EFEMP1: variants seen among roughly 807,000 people sequenced by gnomAD.
EFEMP1 encodes EGF-like fibulin extracellular matrix protein 1.
EFEMP1 carries 18 observed loss-of-function variants against 65.7 expected under a neutral mutation model. The observed-to-expected ratio is 0.27, with a 90% CI of 0.19 to 0.41. The LOEUF (loss-of-function observed/expected upper bound fraction) is 0.41. Ranked by LOEUF, EFEMP1 falls within the 10% of genes least tolerant of loss-of-function variation. The pLI, the probability that EFEMP1 is intolerant of heterozygous loss-of-function variation, is 1.00. For synonymous variants in EFEMP1, 237 were observed against 219.7 expected, an observed-to-expected ratio of 1.08 and a Z score of -0.70; for missense variants, 469 against 624.8, an observed-to-expected ratio of 0.75 and a Z score of 2.66.
chr2:55,898,363 T>G (rs1175229868), intron 5 of EFEMP1, among the ~76,000 whole-genome samples: 1 of 152,250 alleles, frequency 6.6e-6, no homozygotes, highest in Admixed American at 6.5e-5. Flanking sequence ...GAAGCTGCTC[T>G]GTGGCAAAAT....
chr2:55,886,705 C>G lies in EFEMP1; in HGVS notation c.518-4971G>C, dbSNP rs1462339949. On this transcript the variant is annotated intron_variant, in intron 5 of 11. Transcript: ENST00000355426. The surrounding 1 kb of genome is among the most constrained non-coding windows in gnomAD (Gnocchi z 4.0). ...AGACAGGGTGATAAACTAGTTCCTA[C>G]CAAAGTACTCTTTTTACTTACTCTC... Among the ~76,000 whole-genome samples, 1 of 152,090 alleles carries G rather than the reference C, an allele frequency of 6.6e-6. No individual in the cohort carries two copies. The highest frequency in any genetic ancestry group is 1.5e-5 in the Non-Finnish European group (1 of 68,012).
At chr2:55,900,182 T>C (rs1669978883) in intron 5 of EFEMP1, among the ~76,000 whole-genome samples, 1 of 152,184 alleles carries the variant, frequency 6.6e-6, no homozygotes, top group Non-Finnish European at 1.5e-5. Flanking sequence ...AAGAGGAATT[T>C]AGTGGGGCTA....
intron 5 of EFEMP1, among the ~76,000 whole-genome samples, chr2:55,904,467 G>C (rs12613933): frequency 0.15 from 22,161 of 152,190 alleles, 1,715 homozygotes; most frequent in Middle Eastern, 0.24. Context: ...CTGTGATGGT[G>C]TTTCCAGAAT....
At chr2:55,880,054 A>T (rs939411566) in intron 6 of EFEMP1, among the ~76,000 whole-genome samples, 1 of 152,160 alleles carries the variant, frequency 6.6e-6, no homozygotes, top group Non-Finnish European at 1.5e-5. Context: ...AAGAGCTTGT[A>T]TAGAGGCACC....
chr2:55,901,049 C>T (rs945580725), intron 5 of EFEMP1, among the ~76,000 whole-genome samples: 1 of 152,024 alleles, frequency 6.6e-6, no homozygotes, highest in Non-Finnish European at 1.5e-5. Context: ...GCAAAAGAAA[C>T]GATGTAAACA....
At chr2:55,880,715 T>C (rs1669207309) in intron 6 of EFEMP1, among the ~76,000 whole-genome samples, 1 of 152,206 alleles carries the variant, frequency 6.6e-6, no homozygotes, top group South Asian at 2.1e-4. Flanking sequence ...GGTATGTAAA[T>C]AAATGGACAG....
At chr2:55,887,051 T>G (rs754060850) in intron 5 of EFEMP1, among the ~76,000 whole-genome samples, 47 of 152,136 alleles carry the variant, frequency 3.1e-4, no homozygotes, top group Non-Finnish European at 6.5e-4. Context: ...AAAAGATCTA[T>G]TATTTGATTG....
chr2:55,871,835 T>C lies in EFEMP1; in HGVS notation c.1001-712A>G, dbSNP rs907107593. ...TGAAACTATGAAGTGTTCCACCTCA[T>C]AGAGCATAGCAATTTTAGGACTGTA... On this transcript the variant is annotated intron_variant, in intron 9 of 11. Transcript: ENST00000355426. This position sits in a 1 kb window ranked among gnomAD's most constrained non-coding sequence, Gnocchi z 4.2. Among the ~76,000 whole-genome samples the C allele has an allele frequency of 1.2e-4, 19 of 152,122 alleles. No homozygotes were observed. The highest frequency in any genetic ancestry group is 1.1e-3 in the Admixed American group (17 of 15,248).
In EFEMP1 at chr2:55,885,060, C is replaced by T. The variant is rs1394824999; in HGVS notation, c.518-3326G>A. Among the ~76,000 whole-genome samples the T allele has an allele frequency of 6.6e-6, 1 of 152,144 alleles. No individual in the cohort carries two copies. Among genetic ancestry groups the T allele is most frequent in the African/African-American group, 2.4e-5 (1 of 41,418 alleles). On this transcript the variant is annotated intron_variant, in intron 5 of 11. Coordinates refer to ENST00000355426, the MANE Select transcript of EFEMP1 (RefSeq NM_001039348.3). This position sits in a 1 kb window ranked among gnomAD's most constrained non-coding sequence, Gnocchi z 4.3. ...AGAGTAACAAGGTATATCTGAGAAA[C>T]ACAGCAAAATCAGTAAGATGTTAGT...
At position 55,922,896 on chromosome 2, in the gene EFEMP1, C is replaced by T. The variant is rs1185073233; in HGVS notation, c.-8+3G>A. 1 of 1,115,116 alleles carries T rather than the reference C, an allele frequency of 9.0e-7. No individual in the cohort carries two copies. The highest frequency in any genetic ancestry group is 1.6e-5 in the African/African-American group (1 of 61,630). 69.1% of individuals were successfully genotyped at this position (1,115,116 alleles called of 1,614,324 possible). On this transcript the variant is annotated splice_donor_region_variant and intron_variant, in intron 2 of 11. Transcript: ENST00000355426. The surrounding 1 kb of genome is among the most constrained non-coding windows in gnomAD (Gnocchi z 5.5). The stretch of plus-strand genomic sequence containing the variant: ...AACGTTAAGGCTTTCCCAGTATACT[C>T]ACCTTGAGCTAGCAGAGTTCCTTGC...
intron 6 of EFEMP1, 100 bp downstream of exon 6, chr2:55,881,512 C>T: frequency 6.7e-7 from 1 of 1,489,718 alleles, no homozygotes. Context: ...TATTGGCTAC[C>T]ACTCTCCAAA....
At position 55,913,559 on chromosome 2, in the gene EFEMP1, A is replaced by G. The variant is rs546405858; in HGVS notation, c.517+4106T>C. On this transcript the variant is annotated intron_variant, in intron 5 of 11. Transcript: ENST00000355426. ...TCAATTAAACAAACAAGTTTCTTCA[A>G]TTAGGGCAATCAATGCTTTCTCTTT... Among the ~76,000 whole-genome samples the G allele has an allele frequency of 2.6e-5, 4 of 152,036 alleles. 1 individual carries two copies. Among genetic ancestry groups the G allele is most frequent in the African/African-American group, 7.2e-5 (3 of 41,412 alleles).
At chr2:55,916,861 C>T (rs1275234149) in intron 5 of EFEMP1, among the ~76,000 whole-genome samples, 1 of 152,178 alleles carries the variant, frequency 6.6e-6, no homozygotes, top group Non-Finnish European at 1.5e-5. Context: ...CTTCAAAGCC[C>T]CAGATTCTTA....
In EFEMP1 at chr2:55,917,766, A is replaced by G; in HGVS notation, c.416T>C (p.Ile139Thr). The change falls in exon 5 of 12, where the codon ATC becomes ACC. Residue 139 changes from isoleucine to threonine, a missense_variant. Ile to Thr is a moderately conservative substitution (Grantham distance 89). Coordinates refer to ENST00000355426, the MANE Select transcript of EFEMP1 (RefSeq NM_001039348.3). The surrounding 1 kb of genome is among the most constrained non-coding windows in gnomAD (Gnocchi z 6.3). ...EMQTGRNNFV[I>T]RRNPADPQRI... ...CTGAGGGTCAGCTGGGTTCCGCCGG[A>G]TGACAAAGTTATTTCGGCCAGTCTG... The G allele has an allele frequency of 6.2e-7, 1 of 1,614,202 alleles. No individual in the cohort carries two copies. Among genetic ancestry groups the G allele is most frequent in the Non-Finnish European group, 8.5e-7 (1 of 1,180,038 alleles).
intron 5 of EFEMP1, among the ~76,000 whole-genome samples, chr2:55,901,876 C>A (rs1273031618): frequency 1.3e-5 from 2 of 152,124 alleles, no homozygotes; most frequent in African/African-American, 4.8e-5. Flanking sequence ...CTTCTCTTGC[C>A]CCCTCACTTG....
Position 55,871,809 on chromosome 2 carries a change from G to A in EFEMP1, c.1001-686C>T, listed in dbSNP as rs563400711. ...GTCCAGAGGAAGCACAGCACAGGAA[G>A]TGAAACTATGAAGTGTTCCACCTCA... On this transcript the variant is annotated intron_variant, in intron 9 of 11. Coordinates refer to ENST00000355426, the MANE Select transcript of EFEMP1 (RefSeq NM_001039348.3). The surrounding 1 kb of genome is among the most constrained non-coding windows in gnomAD (Gnocchi z 4.2). Among the ~76,000 whole-genome samples, 1 of 152,130 alleles carries A rather than the reference G, an allele frequency of 6.6e-6. No homozygotes were observed. The highest frequency in any genetic ancestry group is 1.5e-5 in the Non-Finnish European group (1 of 68,004).
In EFEMP1 at chr2:55,922,026, C is replaced by A. The variant is rs1490073818; in HGVS notation, c.81+334G>T. On this transcript the variant is annotated intron_variant, in intron 3 of 11. Coordinates refer to ENST00000355426, the MANE Select transcript of EFEMP1 (RefSeq NM_001039348.3). This position sits in a 1 kb window ranked among gnomAD's most constrained non-coding sequence, Gnocchi z 5.5. ...GGTTTTATCTGCATGTGGTAGGAGT[C>A]CAGGTTTTCCAGTTCCTTACACCCA... is the stretch of plus-strand genomic sequence containing the variant. The A allele has an allele frequency of 2.9e-6, 1 of 346,286 alleles. No homozygotes were observed. Among genetic ancestry groups the A allele is most frequent in the Admixed American group, 4.0e-5 (1 of 24,910 alleles). The allele number at this position is 346,286 out of a possible 1,614,324, so 21.5% of individuals were successfully genotyped here. A position where few individuals can be genotyped will look rare whatever the true frequency, so the allele number is the denominator to read the frequency against.
chr2:55,913,668 CTCAACT>C (rs1316315566), intron 5 of EFEMP1, among the ~76,000 whole-genome samples: 1 of 151,374 alleles, frequency 6.6e-6, no homozygotes, highest in Non-Finnish European at 1.5e-5. Context: ...AAAATCCTTT[CTCAACT>C]TCATCTAGTG....
At chr2:55,880,441 T>TCTACACA (rs1170654328) in intron 6 of EFEMP1, among the ~76,000 whole-genome samples, 1 of 152,222 alleles carries the variant, frequency 6.6e-6, no homozygotes, top group Non-Finnish European at 1.5e-5. Flanking sequence ...TCTGGAGTTT[T>TCTACACA]CTACACACTC....
Sources: allele counts gnomAD v4.1 joint callset (sites outside exome capture counted in the v4.1 genomes callset), GRCh38; gene constraint gnomAD v4.1.1; non-coding constraint Gnocchi (gnomAD v3.1); transcripts MANE v1.5; gene names NCBI Gene and HGNC (gene_info 2026-07-23, HGNC 2026-07-21).